The following CYRIB variants were observed in gnomAD, a reference collection of about 807,000 sequenced individuals.
CYRIB encodes CYFIP related Rac1 interactor B.
Under a neutral mutation model 44.2 loss-of-function variants are expected in CYRIB, and 8 were observed. The observed-to-expected ratio is 0.18, with a 90% confidence interval of 0.11 to 0.33. CYRIB has a LOEUF of 0.33. Among genes scored for constraint, CYRIB ranks in the 10% least tolerant of loss-of-function variants. The probability of loss-of-function intolerance (pLI) is 1.00; values close to 1 mark genes in which losing one functional copy is unlikely to be tolerated. For synonymous variants in CYRIB, 131 were observed against 127.2 expected (o/e 1.03, Z -0.20); for missense variants, 185 against 382.8 (o/e 0.48, Z 4.31).
intron 1 of CYRIB, among the ~76,000 whole-genome samples, chr8:129,936,840 G>A (rs1183657671): frequency 6.6e-6 from 1 of 151,566 alleles, no homozygotes; most frequent in Non-Finnish European, 1.5e-5. Flanking sequence ...CTGAGTAGCT[G>A]GGACTACAGG....
chr8:129,890,161 C>T (rs2064587937), intron 2 of CYRIB, among the ~76,000 whole-genome samples: 1 of 152,206 alleles, frequency 6.6e-6, no homozygotes, highest in African/African-American at 2.4e-5. Flanking sequence ...AGCTGATAAG[C>T]ACTGGCAAGG....
upstream of CYRIB, among the ~76,000 whole-genome samples, chr8:129,940,498 A>C (rs1413975702): frequency 6.6e-6 from 1 of 152,042 alleles, no homozygotes; most frequent in Non-Finnish European, 1.5e-5. Flanking sequence ...TCTGGGGTCG[A>C]CTCTGGGCAA....
At chr8:129,886,020 C>T (rs1393033776) in intron 2 of CYRIB, among the ~76,000 whole-genome samples, 1 of 152,154 alleles carries the variant, frequency 6.6e-6, no homozygotes, top group Non-Finnish European at 1.5e-5. Context: ...GAAGGACAAC[C>T]TTTCTTCTGG....
chr8:129,893,693 T>C (rs2066495095), intron 2 of CYRIB, among the ~76,000 whole-genome samples: 1 of 152,170 alleles, frequency 6.6e-6, no homozygotes, highest in Non-Finnish European at 1.5e-5. Flanking sequence ...AGATAATTAG[T>C]ATCTTTTTAA....
chr8:129,926,728 AC>A (rs1200370257), intron 1 of CYRIB, among the ~76,000 whole-genome samples: 1 of 152,210 alleles, frequency 6.6e-6, no homozygotes, highest in African/African-American at 2.4e-5. Flanking sequence ...ATGCAAAAGA[AC>A]AAAGGTGGCT....
At chr8:129,907,250 T>C (rs948435346) in intron 1 of CYRIB, among the ~76,000 whole-genome samples, 1 of 152,188 alleles carries the variant, frequency 6.6e-6, no homozygotes, top group African/African-American at 2.4e-5. Flanking sequence ...ATATACACCA[T>C]GGAATACTAT....
At chr8:129,895,034 C>G (rs1299718292) in intron 2 of CYRIB, among the ~76,000 whole-genome samples, 1 of 146,972 alleles carries the variant, frequency 6.8e-6, no homozygotes, top group Non-Finnish European at 1.5e-5. Flanking sequence ...ACCACCCTGG[C>G]TCAATCGATC....
At chr8:129,876,424 T>C (rs923099529) in intron 3 of CYRIB, among the ~76,000 whole-genome samples, 2 of 152,056 alleles carry the variant, frequency 1.3e-5, no homozygotes, top group African/African-American at 2.4e-5. Flanking sequence ...TCCTACTAGA[T>C]TGAGAGCTTC....
chr8:130,012,498 G>A (rs2097249745), intron 1 of CYRIB, among the ~76,000 whole-genome samples: 1 of 149,100 alleles, frequency 6.7e-6, no homozygotes, highest in Non-Finnish European at 1.5e-5. Flanking sequence ...AAGAGCACCA[G>A]GGGCTGAGGG....
intron 2 of CYRIB, among the ~76,000 whole-genome samples, chr8:129,886,126 T>A (rs1376721151): frequency 1.3e-5 from 2 of 152,168 alleles, no homozygotes; most frequent in Non-Finnish European, 2.9e-5. Context: ...GCAAGACTTG[T>A]CAAATGAACT....
upstream of CYRIB, among the ~76,000 whole-genome samples, chr8:129,940,348 C>G (rs1391183300): frequency 6.6e-6 from 1 of 152,240 alleles, no homozygotes; most frequent in Non-Finnish European, 1.5e-5. Context: ...GTGTTCCTGG[C>G]AGGCGCCCAG....
rs1033868411 is a variant in CYRIB, at chr8:129,880,234, C to T, written c.-10-763G>A. 2.7e-5 allele frequency: 8 copies of T among 294,352 alleles called. No homozygotes were observed. In the East Asian group the frequency reaches 5.2e-4, roughly 19 times the overall value. The allele number at this position is 294,352 out of a possible 1,614,324, so 18.2% of individuals were successfully genotyped here. On this transcript the variant is annotated intron_variant, in intron 2 of 11. Coordinates refer to ENST00000519824, the Ensembl canonical transcript of CYRIB. ...TACATATGATGGTGATGTTTGCCTA[C>T]GATTAAGAAAAAATCATGCAACCTT...
At chr8:129,997,815 G>A (rs2096809012) in intron 1 of CYRIB, among the ~76,000 whole-genome samples, 1 of 152,030 alleles carries the variant, frequency 6.6e-6, no homozygotes, top group Non-Finnish European at 1.5e-5. Flanking sequence ...CAAATTACAA[G>A]AGGCACCTAA....
At chr8:129,971,219 A>C (rs563629443) in intron 1 of CYRIB, among the ~76,000 whole-genome samples, 1 of 152,278 alleles carries the variant, frequency 6.6e-6, no homozygotes, top group African/African-American at 2.4e-5. Flanking sequence ...GGCTCACTGC[A>C]ACCTCTGCCT....
intron 1 of CYRIB, among the ~76,000 whole-genome samples, chr8:129,920,669 T>C (rs1226902738): frequency 6.6e-6 from 1 of 152,148 alleles, no homozygotes; most frequent in African/African-American, 2.4e-5. Context: ...TTAAAATAAA[T>C]TCTGAAACCA....
rs34764499 is a variant in CYRIB at position 129,883,112 on chromosome 8, C to CAAAA, written c.-10-3645_-10-3642dup. Among the ~76,000 whole-genome samples, 56 of 41,252 alleles carry CAAAA rather than the reference C, an allele frequency of 1.4e-3. 1 individual carries two copies. The highest frequency in any genetic ancestry group is 4.1e-3 in the African/African-American group (42 of 10,350). 27.1% of individuals were successfully genotyped at this position (41,252 alleles called of 152,430 possible). On this transcript the variant is annotated intron_variant, in intron 2 of 11. Coordinates refer to ENST00000519824, the Ensembl canonical transcript of CYRIB. ...TAGGCAACAGAGCTAGACTCCCTCT[C>CAAAA]AAAAAAAAAAAAAAAAAAAAAAAAA...
At chr8:129,857,282 T>C (rs75973098) in intron 5 of CYRIB, among the ~76,000 whole-genome samples, 2,355 of 152,132 alleles carry the variant, frequency 0.015, 53 homozygotes, top group African/African-American at 0.05. Context: ...TGGAAAGGTA[T>C]AAAAATAAGA....
chr8:129,982,706 A>G (rs568175584), intron 1 of CYRIB, among the ~76,000 whole-genome samples: 3 of 152,352 alleles, frequency 2.0e-5, no homozygotes, highest in Admixed American at 1.3e-4. Flanking sequence ...TAAACCAAAT[A>G]TATGTCCAAA....
chr8:129,977,747 T>C (rs2096011182), intron 1 of CYRIB, among the ~76,000 whole-genome samples: 1 of 152,112 alleles, frequency 6.6e-6, no homozygotes, highest in Non-Finnish European at 1.5e-5. Context: ...TTAGCCAGGA[T>C]GGTCTCGATC....
Sources: gnomAD v4.1 joint callset for allele counts (sites outside exome capture counted in the v4.1 genomes callset) on GRCh38, gnomAD v4.1.1 for gene constraint, MANE v1.5 for transcripts, NCBI Gene and HGNC (gene_info 2026-07-23, HGNC 2026-07-21) for gene names.